Variants in KIDINS220 observed in about 807,000 individuals in gnomAD.
KIDINS220 encodes the protein kinase D-interacting substrate of 220 kDa.
Under a neutral mutation model 157.6 loss-of-function variants are expected in KIDINS220, and 63 were observed. The observed-to-expected ratio is 0.40, with a 90% CI of 0.33 to 0.49. KIDINS220 has a LOEUF of 0.49. Ranked by LOEUF, KIDINS220 falls within the 20% of genes least tolerant of loss-of-function variation. The probability of loss-of-function intolerance (pLI) is 0.66; values close to 1 mark genes in which losing one functional copy is unlikely to be tolerated. For missense variants in KIDINS220, 1,772 were observed against 2,171.2 expected (o/e 0.82, Z 3.65); for synonymous variants, 732 against 783.6 (o/e 0.93, Z 1.10).
downstream of KIDINS220, among the ~76,000 whole-genome samples, chr2:8,726,035 C>T (rs1418665668): frequency 1.3e-5 from 2 of 152,132 alleles, no homozygotes; most frequent in African/African-American, 2.4e-5. Flanking sequence ...GAAGCAGGAA[C>T]GCTTGTCTTT....
At chr2:8,834,605 T>C (rs549221109) in intron 1 of KIDINS220, among the ~76,000 whole-genome samples, 209 of 152,100 alleles carry the variant, frequency 1.4e-3, no homozygotes, top group Non-Finnish European at 2.4e-3. Context: ...TCAATGAGAA[T>C]AAAGACTATC....
At position 8,733,663 on chromosome 2, in the gene KIDINS220, G is replaced by A. The variant is rs150396643; in HGVS notation, c.3834C>T (p.Asn1278=). The change falls in exon 29 of 30, where the codon AAC becomes AAT. Residue 1278 remains asparagine (N), a synonymous_variant. Coordinates refer to ENST00000256707, the MANE Select transcript of KIDINS220 (RefSeq NM_020738.4). ...CTTCAGGGACCACGTGGCTTTCTGC[G>A]TTTCTCATTTCTAGTACCTTAACAG... ...LFRSTVLEMR[N]AESHVVPEDP... is the part of the protein sequence containing the mutation. 5.4e-4 allele frequency: 846 copies of A among 1,578,030 alleles called. 5 individuals carry two copies. The African/African-American group carries it at 7.8e-3, about 15-fold the overall frequency.
Position 8,751,461 on chromosome 2 carries a change from C to T in KIDINS220, c.3190+5G>A. ...TGAAAAATTAAATTTACTACTAATA[C>T]CCACCTGCAATAATTTCCCGTAGTT... On this transcript the variant is annotated splice_donor_5th_base_variant and intron_variant, in intron 23 of 29. Transcript: ENST00000256707. 6.3e-7 allele frequency: 1 copy of T among 1,597,384 alleles called. No homozygotes were observed. Among genetic ancestry groups the T allele is most frequent in the African/African-American group, 1.4e-5 (1 of 73,992 alleles).
chr2:8,772,713 T>C (rs936938012), intron 21 of KIDINS220, among the ~76,000 whole-genome samples: 3 of 152,218 alleles, frequency 2.0e-5, no homozygotes, highest in Non-Finnish European at 4.4e-5. Flanking sequence ...AAAGTACATT[T>C]GATACAGCAC....
chr2:8,722,474 T>C (rs573786916), downstream of KIDINS220: 2 of 152,316 alleles, frequency 1.3e-5, no homozygotes, highest in South Asian at 4.1e-4. Flanking sequence ...ACAGAGGGTG[T>C]GGACTGGCAT....
In KIDINS220 at chr2:8,750,046, C is replaced by T. The variant is rs1271444970; in HGVS notation, c.3414+66G>A. 2.9e-6 allele frequency: 4 copies of T among 1,385,282 alleles called. No individual in the cohort carries two copies. In the Admixed American group the frequency reaches 7.9e-5, roughly 27 times the overall value. The allele number at this position is 1,385,282 out of a possible 1,614,324, so 85.8% of individuals were successfully genotyped here. A position where few individuals can be genotyped will look rare whatever the true frequency, so the allele number is the denominator to read the frequency against. On this transcript the variant is annotated intron_variant, in intron 24 of 29. Coordinates refer to ENST00000256707, the MANE Select transcript of KIDINS220 (RefSeq NM_020738.4). ...AGCTTTAAAACCAAAACAGAATCCA[C>T]AAGCAGAAAACTGAGGTTTCCCTGT...
chr2:8,788,856 T>A (rs772096027), intron 14 of KIDINS220, 44 bp from the exon 15 acceptor site: 3 of 1,547,840 alleles, frequency 1.9e-6, no homozygotes, highest in Admixed American at 3.5e-5. Flanking sequence ...CAGTCACTAG[T>A]CAAGCAGATC....
At chr2:8,740,694 T>C (rs570262111) in intron 26 of KIDINS220, among the ~76,000 whole-genome samples, 66 of 152,292 alleles carry the variant, frequency 4.3e-4, no homozygotes, top group African/African-American at 1.5e-3. Context: ...ATGCACTAAA[T>C]ACCATTTCAT....
At chr2:8,757,786 A>C (rs765640003) in intron 22 of KIDINS220, 4 of 1,608,914 alleles carry the variant, frequency 2.5e-6, no homozygotes, top group Non-Finnish European at 3.4e-6. Context: ...GCTCCACAGC[A>C]TCTGTGTTTG....
intron 9 of KIDINS220, among the ~76,000 whole-genome samples, chr2:8,799,289 G>A (rs75791303): frequency 6.7e-6 from 1 of 148,544 alleles, no homozygotes; most frequent in South Asian, 2.1e-4. Flanking sequence ...TTTTTTTTAA[G>A]AGACAAGGTC....
At chr2:8,744,451 C>A in intron 26 of KIDINS220, among the ~76,000 whole-genome samples, 4 of 87,440 alleles carry the variant, frequency 4.6e-5, no homozygotes, top group Non-Finnish European at 8.3e-5. Flanking sequence ...TATATGGGAT[C>A]ATCTCTATTT....
intron 21 of KIDINS220, among the ~76,000 whole-genome samples, chr2:8,773,754 G>A (rs553124092): frequency 1.1e-4 from 17 of 152,208 alleles, no homozygotes; most frequent in African/African-American, 4.1e-4. Context: ...TTAGAGGGGT[G>A]AGCCGGTGCG....
chr2:8,815,697 C>T (rs1676990236), intron 4 of KIDINS220, among the ~76,000 whole-genome samples: 3 of 152,102 alleles, frequency 2.0e-5, no homozygotes, highest in Admixed American at 1.3e-4. Context: ...AGAATAATGT[C>T]CCTCTGGCCC....
At chr2:8,792,068 T>C (rs1558432902) in intron 12 of KIDINS220, among the ~76,000 whole-genome samples, 1 of 152,166 alleles carries the variant, frequency 6.6e-6, no homozygotes, top group African/African-American at 2.4e-5. Flanking sequence ...ATGAAAAAAT[T>C]AAATTAAAAT....
At chr2:8,781,575 C>T (rs1418754959) in intron 17 of KIDINS220, among the ~76,000 whole-genome samples, 1 of 152,050 alleles carries the variant, frequency 6.6e-6, no homozygotes, top group Non-Finnish European at 1.5e-5. Flanking sequence ...AATGTCTTCC[C>T]CTCAGTGGAA....
chr2:8,825,781 T>C (rs925442043), intron 2 of KIDINS220: 1 of 152,212 alleles, frequency 6.6e-6, no homozygotes, highest in Non-Finnish European at 1.5e-5. Context: ...TAAAATGTCC[T>C]GCCAAATAAT....
At chr2:8,792,578 G>A (rs1053310410) in intron 12 of KIDINS220, among the ~76,000 whole-genome samples, 1 of 152,174 alleles carries the variant, frequency 6.6e-6, no homozygotes, top group African/African-American at 2.4e-5. Flanking sequence ...AAATTGAAAT[G>A]AGATTTTCTT....
At chr2:8,794,757 A>G (rs189172691) in intron 11 of KIDINS220, among the ~76,000 whole-genome samples, 186 of 152,284 alleles carry the variant, frequency 1.2e-3, no homozygotes, top group Non-Finnish European at 2.2e-3. Context: ...CTTCACAAAC[A>G]CCTTGACAAA....
Position 8,750,315 on chromosome 2 carries a change from G to C in KIDINS220, c.3211C>G (p.Gln1071Glu). The change falls in exon 24 of 30, where the codon CAG becomes GAG. Residue 1071 changes from glutamine to glutamate, a missense_variant. Gln to Glu is a conservative substitution (Grantham distance 29). Around this residue, in one of 3 missense-constraint regions of KIDINS220, gnomAD observed 793 missense variants for 885.5 expected, o/e 0.90. Transcript: ENST00000256707. Reference protein sequence around the residue: ...IIADVRAAREQISIGGLAYPP... With the variant: ...IIADVRAAREEISIGGLAYPP... ...TACGCCAGTCCTCCAATACTGATCT[G>C]CTCTCTGGCAGCACGAACATCTGAA... The C allele has an allele frequency of 3.8e-6, 6 of 1,580,330 alleles. No individual in the cohort carries two copies. The highest frequency in any genetic ancestry group is 5.2e-6 in the Non-Finnish European group (6 of 1,159,748).
Sources: gnomAD v4.1 joint callset for allele counts (sites outside exome capture counted in the v4.1 genomes callset) on GRCh38, gnomAD v4.1.1 for gene constraint, gnomAD v4.1.1 regional missense constraint, MANE v1.5 for transcripts, NCBI Gene and HGNC (gene_info 2026-07-23, HGNC 2026-07-21) for gene names.